USP32: variants seen among roughly 807,000 people sequenced by gnomAD.
The protein encoded by USP32 is ubiquitin specific peptidase 32.
USP32 carries 59 observed loss-of-function variants against 204.8 expected under a neutral mutation model. That is an observed-to-expected ratio of 0.29 (90% CI 0.23 to 0.36). The LOEUF (loss-of-function observed/expected upper bound fraction) is 0.36, where lower values mean the gene tolerates loss of function less well. Among genes scored for constraint, USP32 ranks in the 10% least tolerant of loss-of-function variants. The pLI is 1.00. For synonymous variants in USP32, 517 were observed against 678.4 expected (o/e 0.76, Z 3.70); for missense variants, 1,160 against 1,946.4 (o/e 0.60, Z 7.60).
At chr17:60,337,913 C>T (rs921788681) in intron 2 of USP32, among the ~76,000 whole-genome samples, 30 of 151,854 alleles carry the variant, frequency 2.0e-4, no homozygotes, top group African/African-American at 7.3e-4. Context: ...ACAAGACGTA[C>T]ATGAACAATT....
chr17:60,232,168 CTTTTTTTTTTTTTTT>C (rs58707657), intron 12 of USP32, among the ~76,000 whole-genome samples: 1 of 109,536 alleles, frequency 9.1e-6, no homozygotes, highest in Admixed American at 9.3e-5. Flanking sequence ...TTTTCTTTTT[CTTTTTTTTTTTTTTT>C]TTTTTTTGAG....
intron 1 of USP32, among the ~76,000 whole-genome samples, chr17:60,399,940 A>C (rs2089923958): frequency 6.6e-6 from 1 of 152,000 alleles, no homozygotes; most frequent in Non-Finnish European, 1.5e-5. Context: ...AGAAGCTGTC[A>C]CAGGTTTTGG....
At chr17:60,359,400 C>T (rs2089155022) in intron 1 of USP32, among the ~76,000 whole-genome samples, 1 of 152,160 alleles carries the variant, frequency 6.6e-6, no homozygotes, top group Non-Finnish European at 1.5e-5. Context: ...TGGATAAAGA[C>T]AGAATTTTTT....
In USP32 at chr17:60,236,210, A is replaced by C. The variant is rs200037233; in HGVS notation, c.1167T>G (p.Gly389=). The C allele has an allele frequency of 6.2e-7, 1 of 1,614,016 alleles. No homozygotes were observed. Among genetic ancestry groups the C allele is most frequent in the Non-Finnish European group, 8.5e-7 (1 of 1,179,914 alleles). The change falls in exon 12 of 34, where the codon GGT becomes GGG. Residue 389 remains glycine (G), a synonymous_variant. Transcript: ENST00000300896. ...TAAACCAGTTGTGTCCTGCTTGCAGACCATACCTGCTCTCTCGTTCTAACC... is the reference window on the plus strand; with the variant it reads ...TAAACCAGTTGTGTCCTGCTTGCAGCCCATACCTGCTCTCTCGTTCTAACC... ...RGWLERESRY[G]LQAGHNWFII...
intron 12 of USP32, among the ~76,000 whole-genome samples, chr17:60,228,295 C>T (rs976137511): frequency 1.3e-5 from 2 of 152,090 alleles, no homozygotes; most frequent in African/African-American, 4.8e-5. Context: ...GGATTACAGG[C>T]GTGACCCACT....
At chr17:60,196,064 C>T (rs1321670586) in intron 27 of USP32, among the ~76,000 whole-genome samples, 3 of 152,032 alleles carry the variant, frequency 2.0e-5, no homozygotes, top group African/African-American at 4.8e-5. Flanking sequence ...GTTAGGAGAT[C>T]GAGACCATCC....
chr17:60,403,132 C>T (rs2089949203), intron 1 of USP32, among the ~76,000 whole-genome samples: 1 of 152,140 alleles, frequency 6.6e-6, no homozygotes, highest in Non-Finnish European at 1.5e-5. Flanking sequence ...CTGCCTCAGC[C>T]TCCTGAGTAG....
At chr17:60,384,340 T>C (rs2089693766) in intron 1 of USP32, among the ~76,000 whole-genome samples, 4 of 152,186 alleles carry the variant, frequency 2.6e-5, no homozygotes, top group African/African-American at 7.2e-5. Context: ...CAAGCTTCTT[T>C]ACAGAAATGA....
chr17:60,330,520 C>T (rs1165105156), intron 2 of USP32, among the ~76,000 whole-genome samples: 1 of 149,272 alleles, frequency 6.7e-6, no homozygotes, highest in Non-Finnish European at 1.5e-5. Context: ...CTCTCTCTCC[C>T]CCCCTCCCTC....
intron 26 of USP32, among the ~76,000 whole-genome samples, chr17:60,202,546 A>G (rs190789279): frequency 6.6e-6 from 1 of 152,234 alleles, no homozygotes; most frequent in African/African-American, 2.4e-5. Flanking sequence ...GAGAACTGAT[A>G]TCTTAAAATA....
At chr17:60,225,999 G>A (rs781685643) in intron 13 of USP32, 40 bp downstream of exon 13, 31 of 1,515,226 alleles carry the variant, frequency 2.0e-5, no homozygotes, top group Middle Eastern at 1.8e-4. Context: ...TATCCAGGGG[G>A]AATAAACCAA....
chr17:60,180,127 G>A (rs2084067777), intron 33 of USP32, among the ~76,000 whole-genome samples: 1 of 151,882 alleles, frequency 6.6e-6, no homozygotes, highest in African/African-American at 2.4e-5. Flanking sequence ...CCAGGTTTAA[G>A]CCATTCTCCT....
intron 5 of USP32, among the ~76,000 whole-genome samples, chr17:60,275,167 G>C (rs533490169): frequency 1.3e-5 from 2 of 152,276 alleles, no homozygotes; most frequent in African/African-American, 4.8e-5. Context: ...GAATAAATGA[G>C]AAGTATTGGC....
chr17:60,343,091 A>T (rs1263024031), intron 2 of USP32, among the ~76,000 whole-genome samples: 1 of 152,216 alleles, frequency 6.6e-6, no homozygotes, highest in Non-Finnish European at 1.5e-5. Flanking sequence ...CAATTCAACA[A>T]GAAGAGCTAT....
At chr17:60,198,505 G>T (rs1382091870) in intron 26 of USP32, 61 bp from the exon 27 acceptor site, 6 of 1,583,782 alleles carry the variant, frequency 3.8e-6, no homozygotes, top group Non-Finnish European at 4.3e-6. Context: ...CCTCCCTTTA[G>T]TTCTTCTAAA....
intron 3 of USP32, among the ~76,000 whole-genome samples, chr17:60,296,430 G>A (rs2087431256): frequency 6.6e-6 from 1 of 152,104 alleles, no homozygotes; most frequent in South Asian, 2.1e-4. Context: ...GGATTAGAAC[G>A]ATATAGCTGC....
chr17:60,190,025 A>C (rs1299884625), intron 29 of USP32, among the ~76,000 whole-genome samples: 1 of 152,218 alleles, frequency 6.6e-6, no homozygotes, highest in Non-Finnish European at 1.5e-5. Flanking sequence ...GGTGGGGCCT[A>C]GCAGGAGGTG....
intron 13 of USP32, among the ~76,000 whole-genome samples, chr17:60,224,517 G>T (rs2085334108): frequency 6.6e-6 from 1 of 152,202 alleles, no homozygotes; most frequent in East Asian, 1.9e-4. Context: ...AGGAGGAATG[G>T]CTCATGCCTG....
chr17:60,398,753 G>C (rs1314549235), intron 1 of USP32, among the ~76,000 whole-genome samples: 3 of 151,826 alleles, frequency 2.0e-5, no homozygotes, highest in Non-Finnish European at 2.9e-5. Context: ...TGAGGCAAGA[G>C]GATTGATTGA....
Sources: allele counts gnomAD v4.1 joint callset (sites outside exome capture counted in the v4.1 genomes callset), GRCh38; gene constraint gnomAD v4.1.1; transcripts MANE v1.5; gene names NCBI Gene and HGNC (gene_info 2026-07-23, HGNC 2026-07-21).